Variants in GABRE observed in about 807,000 individuals in gnomAD.
GABRE encodes gamma-aminobutyric acid type A receptor subunit epsilon, also known as gamma-aminobutyric acid receptor subunit epsilon.
In GABRE, 20 loss-of-function variants were observed where a neutral mutation model predicts 31.0. That is an observed-to-expected ratio of 0.64 (90% CI 0.45 to 0.94). GABRE has a LOEUF of 0.94. Among genes scored for constraint, GABRE ranks in the 40% least tolerant of loss-of-function variants. The probability of loss-of-function intolerance (pLI) is 0.00; values close to 1 mark genes in which losing one functional copy is unlikely to be tolerated. For synonymous variants in GABRE, 155 were observed against 150.6 expected (o/e 1.03, Z -0.21); for missense variants, 420 against 410.7 (o/e 1.02, Z -0.20).
At chrX:151,973,699 A>C (rs1330050363) in intron 1 of GABRE, among the ~76,000 whole-genome samples, 2 of 111,636 alleles carry the variant, frequency 1.8e-5, no homozygotes, top group Non-Finnish European at 1.9e-5. Context: ...CTTCCACCCC[A>C]AAAAGCCACA....
rs1046960450 is a variant in GABRE, at chrX:151,962,550, C to T, written c.436G>A (p.Val146Met). The T allele has an allele frequency of 8.3e-7, 1 of 1,211,086 alleles. No individual in the cohort carries two copies. The highest frequency in any genetic ancestry group is 1.7e-5 in the African/African-American group (1 of 57,698). ...TFESLVLNGN[V>M]VSQLWIPDTF... The stretch of plus-strand genomic sequence containing the variant: ...TCCGGGATCCATAGCTGGCTCACCA[C>T]ATTGCCATTCAGAACAAGAGACTCA... The change falls in exon 4 of 9, where the codon GTG becomes ATG. Residue 146 changes from valine (V) to methionine (M), a missense_variant. Physicochemically the swap from Val to Met is conservative, Grantham distance 21. Transcript: ENST00000370328.
At chrX:151,958,076 G>A (rs574099620) in intron 6 of GABRE, 4 of 121,593 alleles carry the variant, frequency 3.3e-5, no homozygotes, top group Middle Eastern at 4.0e-3. Context: ...AGCTTAATGT[G>A]TGGAACTTCC....
At chrX:151,972,148 TAAG>T in intron 1 of GABRE, 3 of 753,150 alleles carry the variant, frequency 4.0e-6, no homozygotes, top group Non-Finnish European at 4.7e-6. Flanking sequence ...ACTGCCAACT[TAAG>T]AAGCAAAATG....
intron 3 of GABRE, among the ~76,000 whole-genome samples, chrX:151,966,809 T>C (rs1022497356): frequency 4.8e-4 from 54 of 112,254 alleles, no homozygotes; most frequent in Middle Eastern, 4.6e-3. Flanking sequence ...GCCACCTTAC[T>C]GGCCAAAGAA....
In GABRE at chrX:151,955,216, T is replaced by G. The variant is rs763525105; in HGVS notation, c.1138-132A>C. 1.2e-5 allele frequency: 14 copies of G among 1,175,620 alleles called. No homozygotes were observed. The Admixed American group carries it at 1.3e-4, about 11-fold the overall frequency. ...GCTTCTCTCCTCCAACTTCTCACCATTACATCAGGAAGTTGATTCAACCCC... is the reference window on the plus strand; with the variant it reads ...GCTTCTCTCCTCCAACTTCTCACCAGTACATCAGGAAGTTGATTCAACCCC... On this transcript the variant is annotated intron_variant, in intron 8 of 8. Transcript: ENST00000370328.
At position 151,961,314 on chromosome X, in the gene GABRE, A is replaced by T; in HGVS notation, c.615T>A (p.Asp205Glu). The change falls in exon 5 of 9, where the codon GAT (aspartate) becomes GAA (glutamate). Residue 205 changes from aspartate (D) to glutamate (E), a missense_variant. By Grantham distance (45) the Asp-to-Glu change is conservative. Coordinates refer to ENST00000370328, the MANE Select transcript of GABRE (RefSeq NM_004961.4). ...CSLHMLRFPM[D>E]SHSCPLSFSS... ...AGAAAGATAGAGGGCAAGAGTGAGA[A>T]TCCATTGGAAATCTGAGCATGTGGA... 8.3e-7 allele frequency: 1 copy of T among 1,208,101 alleles called. No homozygotes were observed. Among genetic ancestry groups the T allele is most frequent in the South Asian group, 1.8e-5 (1 of 56,833 alleles).
intron 7 of GABRE, 37 bp from the exon 8 acceptor site, chrX:151,955,604 C>T (rs1446410456): frequency 1.3e-5 from 15 of 1,199,436 alleles, no homozygotes; most frequent in Non-Finnish European, 1.7e-5. Context: ...CAGCTCCTGA[C>T]CTATGTGCGA....
intron 6 of GABRE, chrX:151,957,099 A>G (rs1934197271): frequency 7.5e-6 from 1 of 133,977 alleles, no homozygotes; most frequent in African/African-American, 3.2e-5. Flanking sequence ...TGCCCATCCA[A>G]GCTCAGAACA....
At chrX:151,962,751 T>C (rs971520889) in intron 3 of GABRE, 108 bp from the exon 4 acceptor site, 1 of 630,882 alleles carries the variant, frequency 1.6e-6, no homozygotes, top group African/African-American at 2.2e-5. Flanking sequence ...AAAGGCAATG[T>C]GGTGGAATGC....
intron 1 of GABRE, chrX:151,971,049 T>G: frequency 1.2e-6 from 1 of 818,340 alleles, no homozygotes; most frequent in Non-Finnish European, 1.5e-6. Flanking sequence ...TCCACAGCCA[T>G]GCACCACAGC....
intron 2 of GABRE, 194 bp from the exon 3 acceptor site, chrX:151,969,930 C>T: frequency 9.3e-7 from 1 of 1,072,604 alleles, no homozygotes; most frequent in Non-Finnish European, 1.2e-6. Context: ...GGACACACAT[C>T]TTGAAGATCA....
At chrX:151,974,503 C>T (rs1934836231) in intron 1 of GABRE, 67 bp downstream of exon 1, 1 of 735,523 alleles carries the variant, frequency 1.4e-6, no homozygotes. Context: ...GTCCCGGGAG[C>T]CGTCCCGGCT....
chrX:151,969,449 G>A lies in GABRE; in HGVS notation c.342+220C>T, dbSNP rs188852732. 1.7e-4 allele frequency: 53 copies of A among 314,825 alleles called. No individual in the cohort carries two copies. In the Admixed American group the frequency reaches 2.9e-3, roughly 17 times the overall value. 25.9% of individuals were successfully genotyped at this position (314,825 alleles called of 1,213,427 possible). A position where few individuals can be genotyped will look rare whatever the true frequency, so the allele number is the denominator to read the frequency against. ...ATTTCTATTTTGAATGAAAAAACTG[G>A]AAGATATGGTCATGATTCTGAAGAT... On this transcript the variant is annotated intron_variant, in intron 3 of 8. Coordinates refer to ENST00000370328, the MANE Select transcript of GABRE (RefSeq NM_004961.4).
At chrX:151,962,225 T>C (rs1934403410) in intron 4 of GABRE, among the ~76,000 whole-genome samples, 198 bp downstream of exon 4, 1 of 111,898 alleles carries the variant, frequency 8.9e-6, no homozygotes, top group Non-Finnish European at 1.9e-5. Context: ...AAACTTGGTG[T>C]GTGGCTTTAA....
intron 4 of GABRE, among the ~76,000 whole-genome samples, chrX:151,961,618 C>G (rs1342160252): frequency 9.0e-6 from 1 of 110,876 alleles, no homozygotes; most frequent in African/African-American, 3.3e-5. Flanking sequence ...TGCCAGCACA[C>G]CCTGCTAATT....
rs745447000 is a variant in GABRE, at chrX:151,970,253, G to A, written c.206C>T (p.Pro69Leu). 8.3e-7 allele frequency: 1 copy of A among 1,210,493 alleles called. No individual in the cohort carries two copies. The highest frequency in any genetic ancestry group is 1.1e-6 in the Non-Finnish European group (1 of 895,319). Residue 69 changes from proline to leucine, a missense_variant, in exon 2 of 9, where the codon CCA becomes CTA. Transcript: ENST00000370328. ...TETGSRVGKL[P>L]EASRILNTIL... Reference sequence around the variant, plus strand: ...AGTGTTCAGGATGCGAGAGGCTTCTGGCAGTTTGCCAACTCTGCTCCCAGT... The same window carrying A: ...AGTGTTCAGGATGCGAGAGGCTTCTAGCAGTTTGCCAACTCTGCTCCCAGT...
At chrX:151,972,736 A>G in intron 1 of GABRE, 1 of 644,105 alleles carries the variant, frequency 1.6e-6, no homozygotes, top group Admixed American at 8.7e-5. Context: ...AAACACAACA[A>G]TAAACAAACA....
In GABRE at chrX:151,972,334, C is replaced by G. The variant is rs937510763; in HGVS notation, c.57-1932G>C. ...AAATGCCATATCTAGAAGATGTCCT[C>G]TTTCCCTGAGGCCAAACTCCCAGCC... On this transcript the variant is annotated intron_variant, in intron 1 of 8. Coordinates refer to ENST00000370328, the MANE Select transcript of GABRE (RefSeq NM_004961.4). 23 of 751,960 alleles carry G rather than the reference C, an allele frequency of 3.1e-5. No individual in the cohort carries two copies. In the East Asian group the frequency reaches 4.6e-4, roughly 15 times the overall value. The allele number at this position is 751,960 out of a possible 1,213,427, so 62.0% of individuals were successfully genotyped here.
intron 1 of GABRE, 118 bp from the exon 2 acceptor site, chrX:151,970,520 G>A: frequency 1.2e-6 from 1 of 835,694 alleles, no homozygotes; most frequent in South Asian, 2.7e-5. Flanking sequence ...TAGTTAAATT[G>A]TGACTGGTAA....
Sources: gnomAD v4.1 joint callset for allele counts (sites outside exome capture counted in the v4.1 genomes callset) on GRCh38, gnomAD v4.1.1 for gene constraint, MANE v1.5 for transcripts, NCBI Gene and HGNC (gene_info 2026-07-23, HGNC 2026-07-21) for gene names.